The following PPP1R21 variants were observed in gnomAD, a reference collection of about 807,000 sequenced individuals.
PPP1R21 encodes KLRAQ motif containing 1.
PPP1R21 carries 85 observed loss-of-function variants against 112.8 expected under a neutral mutation model. The ratio of observed to expected loss-of-function variants is 0.75; its 90% CI spans 0.63 to 0.90. The LOEUF (loss-of-function observed/expected upper bound fraction) is 0.90. PPP1R21 is among the 40% of genes least tolerant of loss of function. The pLI, the probability that PPP1R21 is intolerant of heterozygous loss-of-function variation, is 0.00. For missense variants in PPP1R21, 1,199 were observed against 901.5 expected (o/e 1.33, Z -4.23); for synonymous variants, 381 against 322.3 (o/e 1.18, Z -1.95).
rs749804909 is a variant in PPP1R21, at chr2:48,474,722, G to A, written c.1128G>A (p.Ala376=). Residue 376 remains alanine, a synonymous_variant, in exon 12 of 22, where the codon GCG becomes GCA. Transcript: ENST00000294952. The stretch of plus-strand genomic sequence containing the variant: ...GTGAATCCTCTCTTTGCACATCTGC[G>A]TTAAGAGCCAGGAATCTAGAGCTGT... The part of the protein sequence containing the change: ...EECESSLCTS[A]LRARNLELSQ... The A allele has an allele frequency of 1.3e-5, 21 of 1,612,986 alleles. No individual in the cohort carries two copies. Among genetic ancestry groups the A allele is most frequent in the South Asian group, 5.5e-5 (5 of 90,870 alleles).
chr2:48,508,500 C>T (rs913086622), intron 19 of PPP1R21, among the ~76,000 whole-genome samples: 7 of 152,128 alleles, frequency 4.6e-5, no homozygotes, highest in African/African-American at 1.7e-4. Flanking sequence ...CCATCGAATA[C>T]ATGTTTGATA....
chr2:48,472,216 G>C (rs1277294442), intron 11 of PPP1R21, among the ~76,000 whole-genome samples: 1 of 107,666 alleles, frequency 9.3e-6, no homozygotes, highest in East Asian at 2.6e-4. Context: ...CTCCAGCCTA[G>C]GCAACAGAGC....
intron 3 of PPP1R21, among the ~76,000 whole-genome samples, chr2:48,457,360 G>T (rs1307301380): frequency 1.3e-5 from 2 of 152,102 alleles, no homozygotes; most frequent in African/African-American, 4.8e-5. Flanking sequence ...ATTCAAATTG[G>T]ATTAGTAGGT....
intron 14 of PPP1R21, among the ~76,000 whole-genome samples, chr2:48,489,046 A>G (rs1269753639): frequency 6.6e-6 from 1 of 152,222 alleles, no homozygotes; most frequent in Non-Finnish European, 1.5e-5. Flanking sequence ...TTCATTTGAT[A>G]TAGTAAAATA....
chr2:48,444,009 C>G (rs1572821099), intron 1 of PPP1R21, among the ~76,000 whole-genome samples: 2 of 151,912 alleles, frequency 1.3e-5, no homozygotes, highest in African/African-American at 4.8e-5. Flanking sequence ...AGGAAAGGTC[C>G]CATCTCATAA....
At chr2:48,450,304 G>C (rs1194681209) in intron 1 of PPP1R21, among the ~76,000 whole-genome samples, 1 of 152,192 alleles carries the variant, frequency 6.6e-6, no homozygotes, top group Non-Finnish European at 1.5e-5. Flanking sequence ...TTCCTCATCT[G>C]TAAAATGGAG....
intron 1 of PPP1R21, among the ~76,000 whole-genome samples, chr2:48,449,504 A>T (rs955570027): frequency 6.6e-6 from 1 of 152,182 alleles, no homozygotes; most frequent in Non-Finnish European, 1.5e-5. Context: ...TAACTTTCTA[A>T]AAATAGAAGA....
At chr2:48,454,292 C>A (rs968976740) in intron 2 of PPP1R21, among the ~76,000 whole-genome samples, 12 of 141,992 alleles carry the variant, frequency 8.5e-5, no homozygotes, top group Admixed American at 3.5e-4. Context: ...ATAAATAAAT[C>A]AAATAAGTTT....
chr2:48,461,764 A>C (rs1667988311), intron 7 of PPP1R21, among the ~76,000 whole-genome samples: 1 of 152,218 alleles, frequency 6.6e-6, no homozygotes, highest in Admixed American at 6.5e-5. Flanking sequence ...CAAATTTGCA[A>C]CCTTTAGGTA....
chr2:48,514,740 G>A lies in PPP1R21; in HGVS notation c.2339G>A (p.Arg780Gln). The A allele has an allele frequency of 2.5e-6, 4 of 1,611,938 alleles. No homozygotes were observed. The highest frequency in any genetic ancestry group is 3.4e-6 in the Non-Finnish European group (4 of 1,179,064). The change falls in exon 22 of 22, where the codon CGA becomes CAA. Residue 780 changes from arginine (R) to glutamine (Q), a missense_variant. Coordinates refer to ENST00000294952, the MANE Select transcript of PPP1R21 (RefSeq NM_001135629.3). ...SKGNSKKNKS[R>Q] ...GGGAATTCTAAAAAGAACAAGAGTC[G>A]ATAGTTTTGAAATAGCTGGTTGGCG...
At chr2:48,503,006 A>G (rs1419650702) in intron 17 of PPP1R21, among the ~76,000 whole-genome samples, 1 of 152,064 alleles carries the variant, frequency 6.6e-6, no homozygotes, top group Non-Finnish European at 1.5e-5. Context: ...ACTCTGTAAC[A>G]TTTCAAGAGT....
chr2:48,480,702 G>C (rs57415181), intron 13 of PPP1R21, among the ~76,000 whole-genome samples: 18,042 of 152,010 alleles, frequency 0.12, 1,168 homozygotes, highest in Non-Finnish European at 0.15. Flanking sequence ...GAAAGCAGGG[G>C]AAGGAGGAGA....
At chr2:48,513,162 G>A (rs1347283489) in intron 21 of PPP1R21, among the ~76,000 whole-genome samples, 1 of 151,886 alleles carries the variant, frequency 6.6e-6, no homozygotes, top group Admixed American at 6.6e-5. Flanking sequence ...GAAGGTAATT[G>A]GATTGCAGCT....
At chr2:48,491,513 T>C (rs1669562201) in intron 15 of PPP1R21, among the ~76,000 whole-genome samples, 1 of 148,274 alleles carries the variant, frequency 6.7e-6, no homozygotes, top group African/African-American at 2.5e-5. Context: ...TATGACTTTT[T>C]TCTGAATAAG....
rs145752417 is a variant in PPP1R21, at chr2:48,442,828, A to G, written c.57+1818A>G. On this transcript the variant is annotated intron_variant, in intron 1 of 21. Coordinates refer to ENST00000294952, the MANE Select transcript of PPP1R21 (RefSeq NM_001135629.3). ...AGGTAGGAGAGATAATTTGGACCCT[A>G]TTATGAAAGGTTGTGGATGTCAAGT... Among the ~76,000 whole-genome samples the G allele has an allele frequency of 9.2e-5, 14 of 152,252 alleles. No individual in the cohort carries two copies. The East Asian group carries it at 2.5e-3, about 27-fold the overall frequency.
At chr2:48,453,156 G>A (rs1667556885) in intron 2 of PPP1R21, among the ~76,000 whole-genome samples, 1 of 152,090 alleles carries the variant, frequency 6.6e-6, no homozygotes, top group South Asian at 2.1e-4. Flanking sequence ...GTTTTGTCAT[G>A]TTGGCCAGGC....
intron 9 of PPP1R21, among the ~76,000 whole-genome samples, chr2:48,469,527 TATATATATAGAGCATATATATATATAGAG>T (rs1330301255): frequency 6.7e-5 from 4 of 59,852 alleles, no homozygotes; most frequent in African/African-American, 2.7e-4. Flanking sequence ...TATATATATA[TATATATATAGAGCATATATATATATAGAG>T]AGAGAGAGAG....
intron 12 of PPP1R21, among the ~76,000 whole-genome samples, chr2:48,476,239 G>A (rs968488969): frequency 3.9e-5 from 6 of 152,050 alleles, no homozygotes; most frequent in Admixed American, 3.9e-4. Context: ...CTTTCACTTA[G>A]CATCATGCTT....
intron 7 of PPP1R21, among the ~76,000 whole-genome samples, chr2:48,461,707 G>T (rs969356394): frequency 2.0e-5 from 3 of 152,006 alleles, no homozygotes; most frequent in African/African-American, 7.2e-5. Flanking sequence ...ACATTCCCAG[G>T]AACAACAAAA....
Sources: allele counts gnomAD v4.1 joint callset (sites outside exome capture counted in the v4.1 genomes callset), GRCh38; gene constraint gnomAD v4.1.1; transcripts MANE v1.5; gene names NCBI Gene and HGNC (gene_info 2026-07-23, HGNC 2026-07-21).